The following ARHGEF4 variants were observed in gnomAD, a reference collection of about 807,000 sequenced individuals.
ARHGEF4 encodes the protein Rho guanine nucleotide exchange factor 4.
ARHGEF4 carries 119 observed loss-of-function variants against 162.0 expected under a neutral mutation model. The ratio of observed to expected loss-of-function variants is 0.73; its 90% CI spans 0.63 to 0.86. The LOEUF (loss-of-function observed/expected upper bound fraction) is 0.86. ARHGEF4 is among the 40% of genes least tolerant of loss of function. ARHGEF4 has a pLI of 0.00. For synonymous variants in ARHGEF4, 1,014 were observed against 979.9 expected, an observed-to-expected ratio of 1.03 and a Z score of -0.65; for missense variants, 2,488 against 2,456.0, an observed-to-expected ratio of 1.01 and a Z score of -0.28.
At chr2:130,845,106 G>C (rs927883283) in intron 1 of ARHGEF4, among the ~76,000 whole-genome samples, 8 of 151,776 alleles carry the variant, frequency 5.3e-5, no homozygotes, top group African/African-American at 1.7e-4. Context: ...ACAGGCGTGA[G>C]CCACCCGGCC....
rs917122300 is a variant in ARHGEF4, at chr2:130,916,271, C to T, written c.2325C>T (p.Pro775=). ...QRPRVPALEP[P]QPPRGLRKGA... ...CCCGCGTCCCCGCCTTGGAGCCGCC[C>T]CAGCCGCCACGCGGGCTCCGCAAGG... The change falls in exon 2 of 14, where the codon CCC becomes CCT. Residue 775 remains proline, a synonymous_variant. Transcript: ENST00000409359. The T allele has an allele frequency of 6.6e-7, 1 of 1,526,624 alleles. No individual in the cohort carries two copies. The highest frequency in any genetic ancestry group is 1.4e-5 in the African/African-American group (1 of 70,708). 94.6% of individuals were successfully genotyped at this position (1,526,624 alleles called of 1,614,324 possible).
At chr2:130,974,107 T>TAAAAAAAAA (rs750848622) in intron 4 of ARHGEF4, among the ~76,000 whole-genome samples, 6 of 135,022 alleles carry the variant, frequency 4.4e-5, no homozygotes, top group African/African-American at 1.6e-4. Context: ...TTGTCTCTAC[T>TAAAAAAAAA]AAAAAAAAAA....
intron 2 of ARHGEF4, among the ~76,000 whole-genome samples, chr2:130,918,436 G>A (rs1328792948): frequency 6.6e-6 from 1 of 150,478 alleles, no homozygotes; most frequent in Non-Finnish European, 1.5e-5. Context: ...CCTGGAGACT[G>A]CGAAAAGTAA....
At chr2:130,905,752 T>A (rs1680775613) in intron 1 of ARHGEF4, among the ~76,000 whole-genome samples, 1 of 152,186 alleles carries the variant, frequency 6.6e-6, no homozygotes, top group South Asian at 2.1e-4. Flanking sequence ...TAATTACTCT[T>A]TTTATCACTA....
intron 4 of ARHGEF4, among the ~76,000 whole-genome samples, chr2:131,006,079 C>G (rs1688097206): frequency 6.6e-6 from 1 of 152,126 alleles, no homozygotes; most frequent in Admixed American, 6.5e-5. Context: ...GGGAGGAGAC[C>G]TGTTCCCCGC....
At chr2:130,891,669 A>G (rs765202385) in intron 1 of ARHGEF4, among the ~76,000 whole-genome samples, 3 of 152,140 alleles carry the variant, frequency 2.0e-5, no homozygotes, top group Non-Finnish European at 2.9e-5. Flanking sequence ...GCATCCTCAC[A>G]TGATGTTGCT....
rs116145310 is a variant in ARHGEF4, at chr2:130,930,351, A to G, written c.3553-601A>G. Among the ~76,000 whole-genome samples the G allele has an allele frequency of 2.5e-3, 379 of 152,314 alleles. 3 individuals carry two copies. The highest frequency in any genetic ancestry group is 0.018 in the South Asian group (88 of 4,830). Reference sequence around the variant, plus strand: ...TGTGAAGAAAAGGGTTTCTTCTCCCAGTGGCAAATTCCAAACAACAGAGAT... The same window carrying G: ...TGTGAAGAAAAGGGTTTCTTCTCCCGGTGGCAAATTCCAAACAACAGAGAT... On this transcript the variant is annotated intron_variant, in intron 2 of 13. Coordinates refer to ENST00000409359, the MANE Select transcript of ARHGEF4 (RefSeq NM_001367493.1).
At chr2:131,042,124 C>T (rs553467538) in intron 10 of ARHGEF4, among the ~76,000 whole-genome samples, 180 bp downstream of exon 10, 20 of 152,358 alleles carry the variant, frequency 1.3e-4, no homozygotes, top group Admixed American at 5.2e-4. Context: ...TTTGCTGCTG[C>T]CTACCGTAGC....
chr2:130,987,161 G>C (rs1686567993), intron 4 of ARHGEF4, among the ~76,000 whole-genome samples: 1 of 152,176 alleles, frequency 6.6e-6, no homozygotes, highest in African/African-American at 2.4e-5. Flanking sequence ...GCACTGCCTG[G>C]TACCACACAC....
chr2:131,004,596 C>T (rs1161857509), intron 4 of ARHGEF4, among the ~76,000 whole-genome samples: 1 of 152,082 alleles, frequency 6.6e-6, no homozygotes, highest in African/African-American at 2.4e-5. Flanking sequence ...CCCTCCTTGT[C>T]ACACAGCCCG....
chr2:130,989,676 G>A lies in ARHGEF4; in HGVS notation c.3986-38269G>A, dbSNP rs529179867. 3.3e-5 allele frequency among the ~76,000 whole-genome samples: 5 copies of A among 152,334 alleles called. No individual in the cohort carries two copies. In the South Asian group the frequency reaches 1.0e-3, roughly 32 times the overall value. Reference sequence around the variant, plus strand: ...TTTGTTTTCTGTGCATTTAGTCATAGCTGGGATCACCCTGTAGCCTCCCTT... The same window carrying A: ...TTTGTTTTCTGTGCATTTAGTCATAACTGGGATCACCCTGTAGCCTCCCTT... On this transcript the variant is annotated intron_variant, in intron 4 of 13. Coordinates refer to ENST00000409359, the MANE Select transcript of ARHGEF4 (RefSeq NM_001367493.1).
rs56868632 is a variant in ARHGEF4 at position 131,023,074 on chromosome 2, C to CAAAAAAAAAAAAAAA, written c.3986-4864_3986-4850dup. On this transcript the variant is annotated intron_variant, in intron 4 of 13. Transcript: ENST00000409359. The stretch of plus-strand genomic sequence containing the variant: ...TGGGCAACATGGTGAAACCCTGTCT[C>CAAAAAAAAAAAAAAA]AAAAAAAAAAAAAAAAAAAAAGAAC... Among the ~76,000 whole-genome samples, 25 of 66,632 alleles carry CAAAAAAAAAAAAAAA rather than the reference C, an allele frequency of 3.8e-4. 10 individuals carry two copies. Among genetic ancestry groups the CAAAAAAAAAAAAAAA allele is most frequent in the Middle Eastern group, 0.025 (2 of 80 alleles). 43.7% of individuals were successfully genotyped at this position (66,632 alleles called of 152,430 possible).
At chr2:131,023,330 G>A (rs564918980) in intron 4 of ARHGEF4, among the ~76,000 whole-genome samples, 37 of 152,140 alleles carry the variant, frequency 2.4e-4, no homozygotes, top group African/African-American at 8.9e-4. Flanking sequence ...CTACTCAGGA[G>A]GTTGAGGTGA....
chr2:130,886,605 C>T (rs565342204), intron 1 of ARHGEF4, among the ~76,000 whole-genome samples: 6 of 151,046 alleles, frequency 4.0e-5, no homozygotes, highest in East Asian at 1.9e-4. Flanking sequence ...GGCGGGAACC[C>T]GGGAGGTGGA....
At position 131,046,460 on chromosome 2, in the gene ARHGEF4, T is replaced by C; in HGVS notation, c.*271T>C. The C allele has an allele frequency of 2.3e-6, 1 of 437,840 alleles. No homozygotes were observed. Among genetic ancestry groups the C allele is most frequent in the South Asian group, 3.8e-5 (1 of 26,426 alleles). The allele number at this position is 437,840 out of a possible 1,614,324, so 27.1% of individuals were successfully genotyped here. Reference sequence around the variant, plus strand: ...GCCCCATCCGCCCTCTGGACCTGTGTAGGGCCTCACTGCTGGAGCGGGGAA... The same window carrying C: ...GCCCCATCCGCCCTCTGGACCTGTGCAGGGCCTCACTGCTGGAGCGGGGAA... On this transcript the variant is annotated 3_prime_UTR_variant, in exon 14 of 14. Coordinates refer to ENST00000409359, the MANE Select transcript of ARHGEF4 (RefSeq NM_001367493.1).
intron 1 of ARHGEF4, among the ~76,000 whole-genome samples, chr2:130,911,231 CA>C (rs1314517429): frequency 6.6e-6 from 1 of 152,192 alleles, no homozygotes; most frequent in African/African-American, 2.4e-5. Flanking sequence ...ACACTCACTG[CA>C]GCTGTTTCTT....
At chr2:130,990,346 C>T (rs548259941) in intron 4 of ARHGEF4, among the ~76,000 whole-genome samples, 2 of 152,082 alleles carry the variant, frequency 1.3e-5, no homozygotes, top group Non-Finnish European at 2.9e-5. Context: ...TTGAAAAGTT[C>T]ACCAGTCTGA....
intron 4 of ARHGEF4, 49 bp from the exon 5 acceptor site, chr2:131,027,896 G>A: frequency 6.2e-7 from 1 of 1,608,186 alleles, no homozygotes; most frequent in African/African-American, 1.3e-5. Flanking sequence ...TCTCCCCTCA[G>A]CCCTTCCCAG....
intron 4 of ARHGEF4, among the ~76,000 whole-genome samples, chr2:130,980,008 CT>C (rs1003873299): frequency 6.6e-6 from 1 of 152,208 alleles, no homozygotes. Flanking sequence ...GCCAGCAACA[CT>C]TCAAACCACT....
Sources: allele counts gnomAD v4.1 joint callset (sites outside exome capture counted in the v4.1 genomes callset), GRCh38; gene constraint gnomAD v4.1.1; transcripts MANE v1.5; gene names NCBI Gene and HGNC (gene_info 2026-07-23, HGNC 2026-07-21).